The following CACNA2D3 variants were observed in gnomAD, a reference collection of about 807,000 sequenced individuals.
CACNA2D3 encodes the protein voltage-dependent calcium channel subunit alpha-2/delta-3.
A neutral mutation model predicts 160.6 loss-of-function variants in CACNA2D3; 60 were observed. That is an observed-to-expected ratio of 0.37 (90% CI 0.30 to 0.46). The LOEUF (loss-of-function observed/expected upper bound fraction) is 0.46, where lower values mean the gene tolerates loss of function less well. Among genes scored for constraint, CACNA2D3 ranks in the 20% least tolerant of loss-of-function variants. The pLI is 1.00. For missense variants in CACNA2D3, 1,205 were observed against 1,365.0 expected (o/e 0.88, Z 1.85); for synonymous variants, 558 against 492.9 (o/e 1.13, Z -1.75).
intron 2 of CACNA2D3, among the ~76,000 whole-genome samples, chr3:54,143,498 A>G (rs78099414): frequency 0.038 from 5,846 of 152,122 alleles, 370 homozygotes; most frequent in African/African-American, 0.13. Context: ...TAATTTTTTT[A>G]TTTTTATTTT....
intron 2 of CACNA2D3, among the ~76,000 whole-genome samples, chr3:54,142,207 C>T (rs952896371): frequency 6.6e-6 from 1 of 152,212 alleles, no homozygotes; most frequent in African/African-American, 2.4e-5. Flanking sequence ...CTCACTGCTC[C>T]TCCTTGTGTG....
At chr3:54,468,317 G>A (rs1259508972) in intron 4 of CACNA2D3, among the ~76,000 whole-genome samples, 1 of 152,232 alleles carries the variant, frequency 6.6e-6, no homozygotes, top group African/African-American at 2.4e-5. Flanking sequence ...CCTCACCTGG[G>A]AAGTGCAAGG....
At chr3:54,823,550 T>C (rs756838656) in intron 14 of CACNA2D3, among the ~76,000 whole-genome samples, 22 of 152,086 alleles carry the variant, frequency 1.4e-4, no homozygotes, top group Non-Finnish European at 2.4e-4. Flanking sequence ...ATTTTATTTA[T>C]AATGAGGAAA....
chr3:54,721,193 C>G (rs955170634), intron 11 of CACNA2D3, among the ~76,000 whole-genome samples: 2 of 152,016 alleles, frequency 1.3e-5, no homozygotes, highest in Non-Finnish European at 2.9e-5. Flanking sequence ...AACAGTTTAC[C>G]TCTATTTAAG....
intron 13 of CACNA2D3, among the ~76,000 whole-genome samples, chr3:54,785,606 G>T (rs1354543053): frequency 2.0e-5 from 3 of 152,170 alleles, no homozygotes; most frequent in African/African-American, 2.4e-5. Flanking sequence ...CAAAATACAT[G>T]AATTATTTTC....
intron 35 of CACNA2D3, among the ~76,000 whole-genome samples, chr3:55,070,643 G>C (rs1312249764): frequency 6.6e-6 from 1 of 152,122 alleles, no homozygotes; most frequent in African/African-American, 2.4e-5. Context: ...CACAGGTGCA[G>C]GTTTATCTTC....
At chr3:54,877,430 CTCTTCTAAATATTGACTCGTCAG>C (rs1173863748) in intron 18 of CACNA2D3, among the ~76,000 whole-genome samples, 1 of 152,142 alleles carries the variant, frequency 6.6e-6, no homozygotes, top group East Asian at 1.9e-4. Context: ...GCACCAGACA[CTCTTCTAAATATTGACTCGTCAG>C]TCTTCACTAC....
At chr3:54,371,656 A>T (rs1009190415) in intron 3 of CACNA2D3, among the ~76,000 whole-genome samples, 4 of 152,108 alleles carry the variant, frequency 2.6e-5, no homozygotes, top group African/African-American at 9.7e-5. Context: ...TATTTGATCT[A>T]TTTGTACTCA....
chr3:54,409,685 C>G (rs1335613083), intron 4 of CACNA2D3, among the ~76,000 whole-genome samples: 2 of 152,208 alleles, frequency 1.3e-5, no homozygotes, highest in African/African-American at 4.8e-5. Flanking sequence ...GTGAACACAG[C>G]CTTATTGCTG....
chr3:54,742,382 C>T (rs1701669221), intron 11 of CACNA2D3, among the ~76,000 whole-genome samples: 1 of 152,114 alleles, frequency 6.6e-6, no homozygotes, highest in Non-Finnish European at 1.5e-5. Flanking sequence ...CGAGCCACTG[C>T]ACTCCATCCT....
At chr3:54,367,004 T>C (rs1698837842) in intron 3 of CACNA2D3, among the ~76,000 whole-genome samples, 1 of 152,212 alleles carries the variant, frequency 6.6e-6, no homozygotes, top group Admixed American at 6.5e-5. Flanking sequence ...CACATAAATG[T>C]TGTGGCGGGA....
At chr3:54,889,155 G>A (rs1404846324) in intron 24 of CACNA2D3, among the ~76,000 whole-genome samples, 1 of 152,206 alleles carries the variant, frequency 6.6e-6, no homozygotes, top group Non-Finnish European at 1.5e-5. Flanking sequence ...CCTGGAAGAT[G>A]TCAGAGGATG....
At chr3:54,377,997 C>A in intron 3 of CACNA2D3, among the ~76,000 whole-genome samples, 1 of 152,130 alleles carries the variant, frequency 6.6e-6, no homozygotes. Context: ...TTGGGCAATA[C>A]CTTCAATACT....
chr3:55,069,544 T>A (rs1704752376), intron 35 of CACNA2D3, among the ~76,000 whole-genome samples: 1 of 152,226 alleles, frequency 6.6e-6, no homozygotes, highest in South Asian at 2.1e-4. Flanking sequence ...CGTTGGTTAT[T>A]GCCAGTGTCA....
chr3:54,374,635 T>G (rs562312880), intron 3 of CACNA2D3, among the ~76,000 whole-genome samples: 1 of 152,318 alleles, frequency 6.6e-6, no homozygotes, highest in Admixed American at 6.5e-5. Context: ...CTTCTCTGGT[T>G]GTTGCTGGAC....
At chr3:54,711,641 A>T (rs1174739873) in intron 11 of CACNA2D3, among the ~76,000 whole-genome samples, 1 of 152,220 alleles carries the variant, frequency 6.6e-6, no homozygotes, top group East Asian at 1.9e-4. Context: ...ACATAGACCA[A>T]TCGTGATTCC....
intron 11 of CACNA2D3, among the ~76,000 whole-genome samples, chr3:54,730,717 G>T (rs1240674025): frequency 6.6e-6 from 1 of 151,982 alleles, no homozygotes; most frequent in Non-Finnish European, 1.5e-5. Context: ...TGGTCAGGCT[G>T]GTCTCGAACT....
chr3:54,135,176 C>T (rs1265534130), intron 2 of CACNA2D3, among the ~76,000 whole-genome samples: 1 of 152,192 alleles, frequency 6.6e-6, no homozygotes, highest in Non-Finnish European at 1.5e-5. Context: ...CGGGGAGCTG[C>T]TTCTTTAGTT....
In CACNA2D3 at chr3:54,840,719, A is replaced by ATTT. The variant is rs35529003; in HGVS notation, c.1551+2089_1551+2091dup. Among the ~76,000 whole-genome samples, 315 of 85,738 alleles carry ATTT rather than the reference A, an allele frequency of 3.7e-3. 6 individuals are homozygous for ATTT. Among genetic ancestry groups the ATTT allele is most frequent in the African/African-American group, 0.013 (284 of 21,212 alleles). The allele number at this position is 85,738 out of a possible 152,430, so 56.2% of individuals were successfully genotyped here. On this transcript the variant is annotated intron_variant, in intron 16 of 37. Coordinates refer to ENST00000474759, the MANE Select transcript of CACNA2D3 (RefSeq NM_018398.3). ...CCACTGCACCCTGCCAAGAGCCATG[A>ATTT]TTTTTTTTTTTTTTTTTTTTGAGAC...
Sources: allele counts gnomAD v4.1 joint callset (sites outside exome capture counted in the v4.1 genomes callset), GRCh38; gene constraint gnomAD v4.1.1; transcripts MANE v1.5; gene names NCBI Gene and HGNC (gene_info 2026-07-23, HGNC 2026-07-21).